SMOX: variants seen among roughly 807,000 people sequenced by gnomAD.
The protein encoded by SMOX is flavin containing amine oxidase.
SMOX carries 22 observed loss-of-function variants against 51.0 expected under a neutral mutation model. The ratio of observed to expected loss-of-function variants is 0.43; its 90% confidence interval spans 0.31 to 0.62. SMOX has a LOEUF of 0.62. Among genes scored for constraint, SMOX ranks in the 20% least tolerant of loss-of-function variants. SMOX has a pLI of 0.10. For missense variants in SMOX, 566 were observed against 777.7 expected (o/e 0.73, Z 3.24); for synonymous variants, 282 against 307.8 (o/e 0.92, Z 0.88).
At position 4,149,780 on chromosome 20, in the gene SMOX, C is replaced by T. The variant is rs546092792; in HGVS notation, c.-27+803C>T. On this transcript the variant is annotated intron_variant, in intron 1 of 6. Coordinates refer to ENST00000305958, the MANE Select transcript of SMOX (RefSeq NM_175839.3). This position sits in a 1 kb window ranked among gnomAD's most constrained non-coding sequence, Gnocchi z 6.0. Reference sequence around the variant, plus strand: ...TGCCCGGCACGTATAGTGAGAGGTGCCCACAGGTTGTTTGCAGAACCTGCT... The same window carrying T: ...TGCCCGGCACGTATAGTGAGAGGTGTCCACAGGTTGTTTGCAGAACCTGCT... Among the ~76,000 whole-genome samples, 1 of 152,320 alleles carries T rather than the reference C, an allele frequency of 6.6e-6. No individual in the cohort carries two copies. Among genetic ancestry groups the T allele is most frequent in the South Asian group, 2.1e-4 (1 of 4,826 alleles).
intron 1 of SMOX, among the ~76,000 whole-genome samples, chr20:4,168,546 G>GTC (rs1016187013): frequency 2.6e-5 from 4 of 151,368 alleles, no homozygotes; most frequent in Non-Finnish European, 2.9e-5. Context: ...TAGGAGTTTT[G>GTC]TCTCTCTCTC....
chr20:4,175,244 T>C lies in SMOX; in HGVS notation c.189T>C (p.Arg63=). Reference sequence around the variant, plus strand: ...AGGCTTCCAGCCACATCGGAGGCCGTGTGCAGAGTGTGAAACTTGGTAAGT... The same window carrying C: ...AGGCTTCCAGCCACATCGGAGGCCGCGTGCAGAGTGTGAAACTTGGTAAGT... ...VLEASSHIGG[R]VQSVKLGHAT... Residue 63 remains arginine (R), a synonymous_variant, in exon 2 of 7, where the codon CGT becomes CGC. Transcript: ENST00000305958. 1.2e-6 allele frequency: 2 copies of C among 1,614,120 alleles called. No individual in the cohort carries two copies. Among genetic ancestry groups the C allele is most frequent in the Non-Finnish European group, 8.5e-7 (1 of 1,180,010 alleles).
rs1175292885 is a variant in SMOX, at chr20:4,166,310, AAGGCCCTC to A, written c.-26-8717_-26-8710del. On this transcript the variant is annotated intron_variant, in intron 1 of 6. Transcript: ENST00000305958. This position sits in a 1 kb window ranked among gnomAD's most constrained non-coding sequence, Gnocchi z 4.2. ...TGTGTCTCTCTCTGATACTGTCATC[AAGGCCCTC>A]AGTGAGCTTTCGGAAAGACCCTGCC... Among the ~76,000 whole-genome samples the A allele has an allele frequency of 6.6e-6, 1 of 152,154 alleles. No homozygotes were observed. Among genetic ancestry groups the A allele is most frequent in the East Asian group, 1.9e-4 (1 of 5,186 alleles).
rs900074287 is a variant in SMOX at position 4,153,196 on chromosome 20, G to T, written c.-27+4219G>T. Among the ~76,000 whole-genome samples, 1 of 152,228 alleles carries T rather than the reference G, an allele frequency of 6.6e-6. No individual in the cohort carries two copies. The highest frequency in any genetic ancestry group is 1.5e-5 in the Non-Finnish European group (1 of 68,042). On this transcript the variant is annotated intron_variant, in intron 1 of 6. Coordinates refer to ENST00000305958, the MANE Select transcript of SMOX (RefSeq NM_175839.3). This position sits in a 1 kb window ranked among gnomAD's most constrained non-coding sequence, Gnocchi z 4.4. ...CAATGGGTTGGGCATCACGTACACTGTGATTTTGGGGTGCTGGGAAGGTCT... is the reference window on the plus strand; with the variant it reads ...CAATGGGTTGGGCATCACGTACACTTTGATTTTGGGGTGCTGGGAAGGTCT...
rs766207045 is a variant in SMOX at position 4,183,564 on chromosome 20, C to T, written c.1440C>T (p.Gly480=). 1.9e-6 allele frequency: 3 copies of T among 1,613,782 alleles called. No individual in the cohort carries two copies. In the African/African-American group the frequency reaches 4.0e-5, roughly 22 times the overall value. ...SAWGSNPYFR[G]SYSYTQVGSS... ...GGGGCAGCAACCCTTACTTCCGCGGCTCCTATTCATACACGCAGGTGGGCT... is the reference window on the plus strand; with the variant it reads ...GGGGCAGCAACCCTTACTTCCGCGGTTCCTATTCATACACGCAGGTGGGCT... The change falls in exon 6 of 7, where the codon GGC becomes GGT. Residue 480 remains glycine (G), a synonymous_variant. Coordinates refer to ENST00000305958, the MANE Select transcript of SMOX (RefSeq NM_175839.3). This position sits in a 1 kb window ranked among gnomAD's most constrained non-coding sequence, Gnocchi z 4.3.
At position 4,166,335 on chromosome 20, in the gene SMOX, G is replaced by A. The variant is rs557602595; in HGVS notation, c.-26-8695G>A. 3.3e-5 allele frequency among the ~76,000 whole-genome samples: 5 copies of A among 152,280 alleles called. No homozygotes were observed. Among genetic ancestry groups the A allele is most frequent in the Non-Finnish European group, 5.9e-5 (4 of 68,010 alleles). On this transcript the variant is annotated intron_variant, in intron 1 of 6. Transcript: ENST00000305958. This position sits in a 1 kb window ranked among gnomAD's most constrained non-coding sequence, Gnocchi z 4.2. The stretch of plus-strand genomic sequence containing the variant: ...AAGGCCCTCAGTGAGCTTTCGGAAA[G>A]ACCCTGCCCTTTGTCTGACTTCTTT...
chr20:4,187,434 C>T lies in SMOX; in HGVS notation c.*27C>T, dbSNP rs745952594. ...GGCTGTCCTCGCTGCTGAGAAGAGC[C>T]ACTAACTCGTGACCTCCAGCCTGCC... On this transcript the variant is annotated 3_prime_UTR_variant, in exon 7 of 7. Coordinates refer to ENST00000305958, the MANE Select transcript of SMOX (RefSeq NM_175839.3). This position sits in a 1 kb window ranked among gnomAD's most constrained non-coding sequence, Gnocchi z 4.8. 1 of 1,606,212 alleles carries T rather than the reference C, an allele frequency of 6.2e-7. No individual in the cohort carries two copies. Among genetic ancestry groups the T allele is most frequent in the South Asian group, 1.1e-5 (1 of 90,272 alleles).
At chr20:4,164,455 C>T (rs1986466309) in intron 1 of SMOX, among the ~76,000 whole-genome samples, 1 of 152,336 alleles carries the variant, frequency 6.6e-6, no homozygotes, top group South Asian at 2.1e-4. Context: ...AGGCTTAGAT[C>T]ACTCATCTAA....
chr20:4,160,192 G>A (rs1986237318), intron 1 of SMOX, among the ~76,000 whole-genome samples: 1 of 152,200 alleles, frequency 6.6e-6, no homozygotes, highest in African/African-American at 2.4e-5. Context: ...ACCCCACTAA[G>A]CGCCCAGGCC....
intron 1 of SMOX, among the ~76,000 whole-genome samples, chr20:4,161,404 G>T (rs1986311660): frequency 6.6e-6 from 1 of 152,226 alleles, no homozygotes; most frequent in South Asian, 2.1e-4. Flanking sequence ...AGACCCCTGG[G>T]CTGACCTCCC....
In SMOX at chr20:4,182,473, G is replaced by A. The variant is rs768504967; in HGVS notation, c.994G>A (p.Val332Met). Residue 332 changes from valine to methionine, a missense_variant, in exon 5 of 7, where the codon GTG (valine) becomes ATG (methionine). Val to Met is a conservative substitution (Grantham distance 21, BLOSUM62 1). Around this residue, in one of 3 missense-constraint regions of SMOX, gnomAD observed 347 missense variants for 481.8 expected, o/e 0.72. Coordinates refer to ENST00000305958, the MANE Select transcript of SMOX (RefSeq NM_175839.3). The surrounding 1 kb of genome is among the most constrained non-coding windows in gnomAD (Gnocchi z 8.4). ...CCCGGCGGACCATGTGATTGTGACCGTGTCGCTAGGTGTGCTAAAGAGGCA... is the reference window on the plus strand; with the variant it reads ...CCCGGCGGACCATGTGATTGTGACCATGTCGCTAGGTGTGCTAAAGAGGCA... ...LIPADHVIVT[V>M]SLGVLKRQYT... The A allele has an allele frequency of 1.1e-5, 17 of 1,598,134 alleles. No homozygotes were observed. In the East Asian group the frequency reaches 1.1e-4, roughly 11 times the overall value.
Position 4,177,645 on chromosome 20 carries a change from G to A in SMOX, c.435+68G>A, listed in dbSNP as rs927740013. 3.4e-5 allele frequency: 49 copies of A among 1,434,636 alleles called. No homozygotes were observed. Among genetic ancestry groups the A allele is most frequent in the Middle Eastern group, 1.9e-4 (1 of 5,186 alleles). The allele number at this position is 1,434,636 out of a possible 1,614,324, so 88.9% of individuals were successfully genotyped here. ...ACCTGGGAGGTCTGTGATTCTGGTC[G>A]TGTCTCTGCACACTCCCTGGGCCTT... On this transcript the variant is annotated intron_variant, in intron 3 of 6. Transcript: ENST00000305958. The surrounding 1 kb of genome is among the most constrained non-coding windows in gnomAD (Gnocchi z 4.3).
chr20:4,177,359 A>G lies in SMOX; in HGVS notation c.217A>G (p.Thr73Ala). ...RVQSVKLGHA[T>A]FELGATWIHG... ...GCTGTTGTCACCCTCAGGACACGCCACCTTTGAGCTGGGAGCCACCTGGAT... is the reference window on the plus strand; with the variant it reads ...GCTGTTGTCACCCTCAGGACACGCCGCCTTTGAGCTGGGAGCCACCTGGAT... Residue 73 changes from threonine (T) to alanine (A), a missense_variant, in exon 3 of 7, where the codon ACC (threonine) becomes GCC (alanine). By Grantham distance (58) the Thr-to-Ala change is moderately conservative. Around this residue, in one of 3 missense-constraint regions of SMOX, gnomAD observed 217 missense variants for 278.4 expected, o/e 0.78. Transcript: ENST00000305958. The surrounding 1 kb of genome is among the most constrained non-coding windows in gnomAD (Gnocchi z 4.3). The G allele has an allele frequency of 6.4e-7, 1 of 1,552,132 alleles. No homozygotes were observed. Among genetic ancestry groups the G allele is most frequent in the Non-Finnish European group, 8.7e-7 (1 of 1,147,244 alleles).
intron 1 of SMOX, among the ~76,000 whole-genome samples, chr20:4,151,265 C>G (rs1474041946): frequency 6.6e-6 from 1 of 151,064 alleles, no homozygotes; most frequent in Non-Finnish European, 1.5e-5. Flanking sequence ...CCCAGGCTAC[C>G]TGCCCCAAGC....
In SMOX at chr20:4,175,096, C is replaced by T. The variant is rs1978730659; in HGVS notation, c.41C>T (p.Pro14Leu). 1.2e-6 allele frequency: 2 copies of T among 1,614,120 alleles called. No homozygotes were observed. The highest frequency in any genetic ancestry group is 1.7e-6 in the Non-Finnish European group (2 of 1,180,054). ...CESSGDSADDPLSRGLRRRGQ... is the reference protein window; with the variant it reads ...CESSGDSADDLLSRGLRRRGQ... ...TCCAGTGGTGACAGTGCGGATGACC[C>T]TCTCAGTCGCGGCCTACGGAGAAGG... The change falls in exon 2 of 7, where the codon CCT (proline) becomes CTT (leucine). Residue 14 changes from proline to leucine, a missense_variant. This residue lies in a region of SMOX where 217 missense variants were observed against 278.4 expected (regional missense o/e 0.78). Coordinates refer to ENST00000305958, the MANE Select transcript of SMOX (RefSeq NM_175839.3).
At position 4,183,099 on chromosome 20, in the gene SMOX, C is replaced by CA. The variant is rs1979475029; in HGVS notation, c.1369+252dup. ...TTCTAAAGGCTGATGGTAAAACACT[C>CA]AGAGATCACCGCCCATTGTGCTCTG... is the stretch of plus-strand genomic sequence containing the variant. On this transcript the variant is annotated intron_variant, in intron 5 of 6. Coordinates refer to ENST00000305958, the MANE Select transcript of SMOX (RefSeq NM_175839.3). The surrounding 1 kb of genome is among the most constrained non-coding windows in gnomAD (Gnocchi z 4.3). 5.0e-6 allele frequency: 3 copies of CA among 600,898 alleles called. No individual in the cohort carries two copies. The highest frequency in any genetic ancestry group is 8.7e-6 in the Non-Finnish European group (3 of 345,426). The allele number at this position is 600,898 out of a possible 1,614,324, so 37.2% of individuals were successfully genotyped here.
chr20:4,164,607 A>T (rs1046971177), intron 1 of SMOX, among the ~76,000 whole-genome samples: 1 of 152,160 alleles, frequency 6.6e-6, no homozygotes, highest in African/African-American at 2.4e-5. Context: ...ATAAGGAAAT[A>T]TGCTTTCATG....
intron 1 of SMOX, among the ~76,000 whole-genome samples, chr20:4,165,070 T>A (rs1986508438): frequency 6.8e-6 from 1 of 147,938 alleles, no homozygotes; most frequent in Non-Finnish European, 1.5e-5. Flanking sequence ...TTTTTTTTTT[T>A]TTGAGACAGA....
intron 3 of SMOX, among the ~76,000 whole-genome samples, chr20:4,180,355 C>G (rs1458336498): frequency 1.3e-5 from 2 of 152,160 alleles, no homozygotes; most frequent in African/African-American, 4.8e-5. Context: ...CTTCCTTCAC[C>G]CTGTGGCCCC....
Sources: allele counts gnomAD v4.1 joint callset (sites outside exome capture counted in the v4.1 genomes callset), GRCh38; gene constraint gnomAD v4.1.1; regional missense constraint gnomAD v4.1.1; non-coding constraint Gnocchi (gnomAD v3.1); transcripts MANE v1.5; gene names NCBI Gene and HGNC (gene_info 2026-07-23, HGNC 2026-07-21).